Variants in TENM3 observed in about 807,000 individuals in gnomAD.
TENM3 encodes the protein teneurin transmembrane protein 3.
In TENM3, 63 loss-of-function variants were observed where a neutral mutation model predicts 255.1. That is an observed-to-expected ratio of 0.25 (90% CI 0.20 to 0.30). The LOEUF is 0.30. Among genes scored for constraint, TENM3 ranks in the 10% least tolerant of loss-of-function variants. The probability of loss-of-function intolerance (pLI) is 1.00; values close to 1 mark genes in which losing one functional copy is unlikely to be tolerated. For missense variants in TENM3, 2,929 were observed against 3,461.1 expected (o/e 0.85, Z 3.86); for synonymous variants, 1,306 against 1,322.3 (o/e 0.99, Z 0.27).
At chr4:182,664,937 G>A (rs1048717806) in intron 6 of TENM3, among the ~76,000 whole-genome samples, 3 of 152,332 alleles carry the variant, frequency 2.0e-5, no homozygotes, top group East Asian at 1.9e-4. Flanking sequence ...AAAATGCAAG[G>A]TGAAGCAGCA....
intron 1 of TENM3, among the ~76,000 whole-genome samples, chr4:182,248,656 T>C (rs1394337512): frequency 2.0e-5 from 3 of 152,196 alleles, no homozygotes; most frequent in Non-Finnish European, 4.4e-5. Flanking sequence ...AAATAGCATC[T>C]GCATTGAGTG....
the TENM3 span, among the ~76,000 whole-genome samples, chr4:181,787,444 T>G: frequency 6.6e-6 from 1 of 151,606 alleles, no homozygotes; most frequent in African/African-American, 2.4e-5. Flanking sequence ...GTTCAAGCAA[T>G]TCCCCTGCTC....
At chr4:182,722,361 T>A (rs981201336) in intron 13 of TENM3, among the ~76,000 whole-genome samples, 46 of 152,196 alleles carry the variant, frequency 3.0e-4, no homozygotes, top group African/African-American at 9.4e-4. Context: ...GAACTCACAA[T>A]CTTTAGGAAC....
intron 1 of TENM3, among the ~76,000 whole-genome samples, chr4:182,203,988 T>A (rs1233545013): frequency 6.6e-6 from 1 of 152,204 alleles, no homozygotes; most frequent in Non-Finnish European, 1.5e-5. Flanking sequence ...AGGGAGGTGT[T>A]TCAGAAGCTG....
intron 3 of TENM3, among the ~76,000 whole-genome samples, chr4:182,442,823 CATATAT>C (rs1321590848): frequency 2.9e-5 from 4 of 136,888 alleles, no homozygotes; most frequent in Non-Finnish European, 4.7e-5. Context: ...CATATATATA[CATATAT>C]ATACATACAT....
the TENM3 span, among the ~76,000 whole-genome samples, chr4:181,643,750 A>C: frequency 6.6e-6 from 1 of 152,150 alleles, no homozygotes; most frequent in Non-Finnish European, 1.5e-5. Context: ...TAAGGCCTTC[A>C]GTGAGTTTAC....
chr4:182,063,136 ACAT>A, the TENM3 span, among the ~76,000 whole-genome samples: 1 of 152,372 alleles, frequency 6.6e-6, no homozygotes, highest in East Asian at 1.9e-4. Flanking sequence ...ATTTTCAATA[ACAT>A]CAGTTTATTT....
the TENM3 span, among the ~76,000 whole-genome samples, chr4:181,625,658 A>T: frequency 6.6e-6 from 1 of 151,882 alleles, no homozygotes; most frequent in Non-Finnish European, 1.5e-5. Flanking sequence ...TAGAAATACA[A>T]AAAAAATTAG....
intron 1 of TENM3, among the ~76,000 whole-genome samples, chr4:182,174,106 C>T (rs1752287181): frequency 6.6e-6 from 1 of 152,086 alleles, no homozygotes; most frequent in Non-Finnish European, 1.5e-5. Context: ...TACTTAAACA[C>T]TGTGCTCTAC....
At chr4:182,263,020 G>T (rs975487125) in intron 1 of TENM3, among the ~76,000 whole-genome samples, 2 of 151,974 alleles carry the variant, frequency 1.3e-5, no homozygotes, top group Non-Finnish European at 2.9e-5. Context: ...CTGTGGACTC[G>T]CCCTGAATTC....
At chr4:181,846,390 T>G in the TENM3 span, among the ~76,000 whole-genome samples, 47 of 152,308 alleles carry the variant, frequency 3.1e-4, no homozygotes, top group African/African-American at 1.1e-3. Flanking sequence ...CATTCTAGAT[T>G]GTTTAATAGG....
the TENM3 span, among the ~76,000 whole-genome samples, chr4:181,516,327 A>T: frequency 2.0e-5 from 3 of 151,496 alleles, no homozygotes; most frequent in South Asian, 6.3e-4. Flanking sequence ...TCTATGTAAC[A>T]TACCTGCACA....
chr4:182,588,206 A>C (rs1746238329), intron 3 of TENM3, among the ~76,000 whole-genome samples: 1 of 152,182 alleles, frequency 6.6e-6, no homozygotes, highest in Admixed American at 6.5e-5. Context: ...TCCCCTCAGA[A>C]GTTAATTGAT....
chr4:181,857,812 G>A, the TENM3 span, among the ~76,000 whole-genome samples: 1 of 152,006 alleles, frequency 6.6e-6, no homozygotes, highest in East Asian at 1.9e-4. Flanking sequence ...GTGTAATGGG[G>A]AAGCCATTGG....
At chr4:182,326,100 G>A (rs112912027) in intron 2 of TENM3, among the ~76,000 whole-genome samples, 4,099 of 152,330 alleles carry the variant, frequency 0.027, 80 homozygotes, top group Non-Finnish European at 0.042. Flanking sequence ...GAGAAAGGGC[G>A]CCAGGCGGCC....
chr4:182,348,395 T>C (rs1456718422), intron 3 of TENM3, among the ~76,000 whole-genome samples: 5 of 152,190 alleles, frequency 3.3e-5, no homozygotes, highest in Admixed American at 2.6e-4. Flanking sequence ...GGAATAAATA[T>C]TGCTTCCTGT....
chr4:181,859,295 C>A, the TENM3 span, among the ~76,000 whole-genome samples: 1 of 139,756 alleles, frequency 7.2e-6, no homozygotes, highest in Non-Finnish European at 1.5e-5. Context: ...GCCATATGAA[C>A]TATCTGACGA....
chr4:181,749,101 C>T, the TENM3 span, among the ~76,000 whole-genome samples: 5 of 151,930 alleles, frequency 3.3e-5, no homozygotes, highest in Non-Finnish European at 7.4e-5. Flanking sequence ...ATTCTCTAAA[C>T]AAGATTGTTC....
At chr4:182,096,748 G>A in the TENM3 span, among the ~76,000 whole-genome samples, 1 of 152,160 alleles carries the variant, frequency 6.6e-6, no homozygotes, top group African/African-American at 2.4e-5. Context: ...GGATTCAGCT[G>A]CCAATGTGCA....
Sources: gnomAD v4.1 joint callset for allele counts (sites outside exome capture counted in the v4.1 genomes callset) on GRCh38, gnomAD v4.1.1 for gene constraint, MANE v1.5 for transcripts, NCBI Gene and HGNC (gene_info 2026-07-23, HGNC 2026-07-21) for gene names.